The following DSCAML1 variants were observed in gnomAD, a reference collection of about 807,000 sequenced individuals.
DSCAML1 encodes the protein DS cell adhesion molecule like 1, also known as cell adhesion molecule DSCAML1.
A neutral mutation model predicts 200.5 loss-of-function variants in DSCAML1; 38 were observed. That is an observed-to-expected ratio of 0.19 (90% CI 0.15 to 0.25). The LOEUF (loss-of-function observed/expected upper bound fraction) is 0.25, where lower values mean the gene tolerates loss of function less well. Among genes scored for constraint, DSCAML1 ranks in the 10% least tolerant of loss-of-function variants. The probability of loss-of-function intolerance (pLI) is 1.00; values close to 1 mark genes in which losing one functional copy is unlikely to be tolerated. For missense variants in DSCAML1, 2,223 were observed against 2,858.8 expected (o/e 0.78, Z 5.07); for synonymous variants, 1,215 against 1,165.0 (o/e 1.04, Z -0.87).
chr11:117,499,149 A>G (rs2049349395), intron 11 of DSCAML1, among the ~76,000 whole-genome samples: 1 of 152,044 alleles, frequency 6.6e-6, no homozygotes, highest in East Asian at 1.9e-4. Flanking sequence ...TTTTTTCCCC[A>G]TGTGTCAGTT....
chr11:117,545,093 G>T (rs564568904), intron 3 of DSCAML1, among the ~76,000 whole-genome samples: 1 of 152,114 alleles, frequency 6.6e-6, no homozygotes, highest in South Asian at 2.1e-4. Context: ...AGCTGGGCGT[G>T]GTGGCGGGCG....
At position 117,524,892 on chromosome 11, in the gene DSCAML1, A is replaced by G; in HGVS notation, c.850T>C (p.Leu284=). 6.2e-7 allele frequency: 1 copy of G among 1,612,898 alleles called. No individual in the cohort carries two copies. The highest frequency in any genetic ancestry group is 8.5e-7 in the Non-Finnish European group (1 of 1,179,620). ...TAGGTGCCGCTGTCCTCGGTCCGCA[A>G]GTCGCTGATGGTCAGCCCTGTGATG... is the stretch of plus-strand genomic sequence containing the variant. ...KRITGLTISD[L]RTEDSGTYIC... is the part of the protein sequence containing the mutation. The change falls in exon 5 of 33, where the codon TTG becomes CTG. Residue 284 remains leucine (L), a synonymous_variant. Transcript: ENST00000651296.
At chr11:117,481,364 A>G (rs568798126) in intron 12 of DSCAML1, 94 bp from the exon 13 acceptor site, 1 of 1,246,006 alleles carries the variant, frequency 8.0e-7, no homozygotes, top group East Asian at 2.3e-5. Flanking sequence ...GCTCTCAGCA[A>G]GGCCCTCTTG....
intron 11 of DSCAML1, among the ~76,000 whole-genome samples, chr11:117,492,645 C>T (rs187199067): frequency 9.2e-5 from 14 of 152,300 alleles, no homozygotes; most frequent in Admixed American, 2.6e-4. Flanking sequence ...AACAAGTTCC[C>T]GACAAGAGCT....
At chr11:117,460,466 A>G (rs2048457879) in intron 18 of DSCAML1, among the ~76,000 whole-genome samples, 1 of 152,072 alleles carries the variant, frequency 6.6e-6, no homozygotes, top group Non-Finnish European at 1.5e-5. Flanking sequence ...GGGGGCTGGG[A>G]GGCAGAAAGT....
At chr11:117,778,542 G>A (rs952755140) in intron 2 of DSCAML1, among the ~76,000 whole-genome samples, 3 of 152,240 alleles carry the variant, frequency 2.0e-5, no homozygotes, top group Non-Finnish European at 2.9e-5. Flanking sequence ...CATAAGAGCA[G>A]CGTATAAAAG....
chr11:117,622,782 C>G lies in DSCAML1; in HGVS notation c.512-90260G>C, dbSNP rs539292309. On this transcript the variant is annotated intron_variant, in intron 3 of 32. Coordinates refer to ENST00000651296, the MANE Select transcript of DSCAML1 (RefSeq NM_020693.4). ...CTACATTTTGGTGCTCCTCGTTCTC[C>G]CCCACCCTCAAGGCACCTGGCATGC... 2.6e-5 allele frequency among the ~76,000 whole-genome samples: 4 copies of G among 152,282 alleles called. No individual in the cohort carries two copies. In the East Asian group the frequency reaches 7.7e-4, roughly 29 times the overall value.
intron 3 of DSCAML1, among the ~76,000 whole-genome samples, chr11:117,568,244 AT>A (rs752111814): frequency 2.6e-5 from 4 of 152,224 alleles, no homozygotes; most frequent in Non-Finnish European, 4.4e-5. Context: ...ACAGCTATCT[AT>A]GACAAACCCA....
At chr11:117,624,670 C>T (rs933912857) in intron 3 of DSCAML1, among the ~76,000 whole-genome samples, 11 of 152,134 alleles carry the variant, frequency 7.2e-5, no homozygotes, top group African/African-American at 2.7e-4. Flanking sequence ...GCCCCAGGAG[C>T]ACTCTTCTCC....
At chr11:117,766,680 A>G (rs1423719642) in intron 3 of DSCAML1, among the ~76,000 whole-genome samples, 3 of 152,206 alleles carry the variant, frequency 2.0e-5, no homozygotes, top group Non-Finnish European at 4.4e-5. Flanking sequence ...ATTGTCTTAA[A>G]TCTGCTGAAA....
chr11:117,613,712 G>T (rs1194603102), intron 3 of DSCAML1, among the ~76,000 whole-genome samples: 2 of 152,216 alleles, frequency 1.3e-5, no homozygotes, highest in African/African-American at 4.8e-5. Context: ...TTGAGGAGAT[G>T]TGTCATTACT....
intron 3 of DSCAML1, among the ~76,000 whole-genome samples, chr11:117,720,409 T>C (rs1016213776): frequency 4.0e-5 from 6 of 151,252 alleles, no homozygotes; most frequent in Admixed American, 6.6e-5. Flanking sequence ...AAGCCTGAAG[T>C]GGGGCTGGGA....
chr11:117,783,035 C>T (rs2134058217), intron 1 of DSCAML1, among the ~76,000 whole-genome samples: 1 of 152,292 alleles, frequency 6.6e-6, no homozygotes, highest in South Asian at 2.1e-4. Flanking sequence ...GGACCTTCAC[C>T]TTCCTCAGAC....
chr11:117,775,615 T>C (rs6589622), intron 3 of DSCAML1, among the ~76,000 whole-genome samples: 15,792 of 152,024 alleles, frequency 0.1, 1,069 homozygotes, highest in African/African-American at 0.19. Flanking sequence ...AGTCTCCTGC[T>C]GCATTAGCTG....
At chr11:117,757,573 T>TAC (rs5795104) in intron 3 of DSCAML1, among the ~76,000 whole-genome samples, 3,648 of 146,828 alleles carry the variant, frequency 0.025, 60 homozygotes, top group Non-Finnish European at 0.034. Flanking sequence ...TAGGAGCCTA[T>TAC]ACACACACAC....
At chr11:117,775,598 C>T (rs1394936690) in intron 3 of DSCAML1, among the ~76,000 whole-genome samples, 1 of 152,052 alleles carries the variant, frequency 6.6e-6, no homozygotes, top group Admixed American at 6.6e-5. Flanking sequence ...ATTAATGTCT[C>T]AAAGAAAGTC....
chr11:117,445,016 ATAAT>A (rs1209196328), intron 20 of DSCAML1, among the ~76,000 whole-genome samples: 1 of 152,150 alleles, frequency 6.6e-6, no homozygotes, highest in Non-Finnish European at 1.5e-5. Flanking sequence ...GAGGGAGCTA[ATAAT>A]TAGTTATCTC....
intron 3 of DSCAML1, among the ~76,000 whole-genome samples, chr11:117,650,702 C>CGT (rs1555194706): frequency 5.8e-5 from 4 of 68,938 alleles, no homozygotes; most frequent in Admixed American, 1.7e-4. Context: ...TGTGTGTGTG[C>CGT]GTGTGTGTGT....
chr11:117,733,719 C>T (rs1441584585), intron 3 of DSCAML1, among the ~76,000 whole-genome samples: 5 of 152,220 alleles, frequency 3.3e-5, no homozygotes, highest in Admixed American at 3.3e-4. Context: ...GGGGGACCAT[C>T]TGGATAAGTC....
Sources: gnomAD v4.1 joint callset for allele counts (sites outside exome capture counted in the v4.1 genomes callset) on GRCh38, gnomAD v4.1.1 for gene constraint, MANE v1.5 for transcripts, NCBI Gene and HGNC (gene_info 2026-07-23, HGNC 2026-07-21) for gene names.